Variants in PCDH11X observed in about 807,000 individuals in gnomAD.
PCDH11X encodes the protein protocadherin 11 X-linked.
Under a neutral mutation model 53.3 loss-of-function variants are expected in PCDH11X, and 18 were observed. That is an observed-to-expected ratio of 0.34 (90% confidence interval 0.23 to 0.50). The LOEUF is 0.50. Ranked by LOEUF, PCDH11X falls within the 20% of genes least tolerant of loss-of-function variation. The pLI, the probability that PCDH11X is intolerant of heterozygous loss-of-function variation, is 0.98. For synonymous variants in PCDH11X, 279 were observed against 393.3 expected (o/e 0.71, Z 3.44); for missense variants, 570 against 1,032.4 (o/e 0.55, Z 6.14).
intron 6 of PCDH11X, among the ~76,000 whole-genome samples, chrX:91,989,040 A>G (rs1179233645): frequency 1.8e-5 from 2 of 110,930 alleles, no homozygotes; most frequent in Non-Finnish European, 3.8e-5. Flanking sequence ...GGAATCTGCT[A>G]CTAGGGGTTA....
At chrX:92,425,360 G>A (rs1369237163) in intron 9 of PCDH11X, among the ~76,000 whole-genome samples, 1 of 108,308 alleles carries the variant, frequency 9.2e-6, no homozygotes, top group African/African-American at 3.3e-5. Context: ...TGAAGATACA[G>A]CCAACAAAGT....
intron 8 of PCDH11X, among the ~76,000 whole-genome samples, chrX:92,323,767 G>T (rs921131204): frequency 1.2e-4 from 13 of 110,340 alleles, no homozygotes; most frequent in Non-Finnish European, 2.1e-4. Context: ...TGATACATTT[G>T]CAATCATCAG....
At chrX:92,147,168 A>G (rs1199257267) in intron 6 of PCDH11X, among the ~76,000 whole-genome samples, 2 of 108,918 alleles carry the variant, frequency 1.8e-5, no homozygotes, top group Non-Finnish European at 3.8e-5. Context: ...TGAAATATGG[A>G]AAGTTTAATT....
intron 6 of PCDH11X, among the ~76,000 whole-genome samples, chrX:92,030,743 G>A (rs1310900234): frequency 9.3e-6 from 1 of 107,931 alleles, no homozygotes; most frequent in Non-Finnish European, 1.9e-5. Flanking sequence ...AACATGAAAA[G>A]TTTGTCTTTC....
chrX:92,175,094 G>C (rs758386462), intron 6 of PCDH11X, among the ~76,000 whole-genome samples: 1 of 110,846 alleles, frequency 9.0e-6, no homozygotes, highest in Non-Finnish European at 1.9e-5. Context: ...TCCTGCCTCA[G>C]CCTCCCAAGT....
chrX:92,131,265 A>G (rs2064967443), intron 6 of PCDH11X, among the ~76,000 whole-genome samples: 1 of 112,293 alleles, frequency 8.9e-6, no homozygotes, highest in African/African-American at 3.2e-5. Flanking sequence ...TTACCTTCCA[A>G]GTCCTAAAGT....
chrX:92,148,135 TCC>T (rs1471800263), intron 6 of PCDH11X, among the ~76,000 whole-genome samples: 11 of 8,801 alleles, frequency 1.2e-3, no homozygotes, highest in Non-Finnish European at 2.1e-3. Context: ...TCTTTCTTTT[TCC>T]TTCCTTCCTT....
At chrX:92,409,838 G>A (rs895238516) in intron 9 of PCDH11X, among the ~76,000 whole-genome samples, 4 of 111,452 alleles carry the variant, frequency 3.6e-5, no homozygotes, top group African/African-American at 1.3e-4. Flanking sequence ...TCAATTAGTG[G>A]ACTCTTAACA....
chrX:92,256,244 G>A (rs1603235945), intron 7 of PCDH11X, among the ~76,000 whole-genome samples: 1 of 110,782 alleles, frequency 9.0e-6, no homozygotes, highest in Middle Eastern at 4.8e-3. Context: ...ATTAGGAAAG[G>A]GAACTCCCTG....
At chrX:92,283,150 G>A (rs1002416578) in intron 8 of PCDH11X, among the ~76,000 whole-genome samples, 7 of 111,047 alleles carry the variant, frequency 6.3e-5, no homozygotes, top group Non-Finnish European at 1.1e-4. Context: ...TTCCAATTAG[G>A]ATTAATCATT....
chrX:92,144,816 T>A (rs777147756), intron 6 of PCDH11X, among the ~76,000 whole-genome samples: 1 of 111,043 alleles, frequency 9.0e-6, no homozygotes, highest in East Asian at 2.9e-4. Flanking sequence ...TAGAAATTTA[T>A]GCATTGTTAA....
At chrX:92,175,241 T>G (rs1249666494) in intron 6 of PCDH11X, among the ~76,000 whole-genome samples, 1 of 111,704 alleles carries the variant, frequency 9.0e-6, no homozygotes, top group Non-Finnish European at 1.9e-5. Flanking sequence ...CCTCCCAAAG[T>G]GTTGAGATTA....
At chrX:92,250,631 A>G (rs1048188773) in intron 7 of PCDH11X, among the ~76,000 whole-genome samples, 3 of 106,423 alleles carry the variant, frequency 2.8e-5, no homozygotes, top group Non-Finnish European at 5.8e-5. Context: ...GTATAAAAAT[A>G]TATATAAAAT....
At chrX:92,287,335 C>G (rs894792738) in intron 8 of PCDH11X, among the ~76,000 whole-genome samples, 1 of 111,209 alleles carries the variant, frequency 9.0e-6, no homozygotes, top group African/African-American at 3.3e-5. Context: ...TCTCCCTCCC[C>G]TTGTCCACCA....
intron 10 of PCDH11X, among the ~76,000 whole-genome samples, chrX:92,607,099 G>A (rs752987862): frequency 4.5e-5 from 5 of 110,580 alleles, no homozygotes; most frequent in Admixed American, 9.7e-5. Context: ...ACCCAATTTG[G>A]AAAACAATTT....
intron 9 of PCDH11X, among the ~76,000 whole-genome samples, chrX:92,415,868 C>G (rs914276363): frequency 1.2e-4 from 13 of 111,292 alleles, no homozygotes; most frequent in Non-Finnish European, 2.1e-4. Context: ...TATTGGCATT[C>G]TATAATTCTT....
rs755466099 is a variant in PCDH11X at position 92,463,264 on chromosome X, A to G, written c.3344-5035A>G. ...AAAGCAAGATTTTATTTCTTAAAAT[A>G]TGATTTTCTCTTATTCTGCCCTTGT... On this transcript the variant is annotated intron_variant, in intron 9 of 10. Transcript: ENST00000682573. Among the ~76,000 whole-genome samples, 10 of 111,801 alleles carry G rather than the reference A, an allele frequency of 8.9e-5. No individual in the cohort carries two copies. In the South Asian group the frequency reaches 3.3e-3, roughly 37 times the overall value.
At chrX:91,997,098 T>A (rs892167297) in intron 6 of PCDH11X, among the ~76,000 whole-genome samples, 2 of 110,455 alleles carry the variant, frequency 1.8e-5, no homozygotes, top group African/African-American at 6.6e-5. Flanking sequence ...TTTATTGAAT[T>A]CCTTTATTAT....
chrX:92,352,446 T>C (rs2070076245), intron 8 of PCDH11X, among the ~76,000 whole-genome samples: 1 of 111,992 alleles, frequency 8.9e-6, no homozygotes, highest in African/African-American at 3.2e-5. Flanking sequence ...GGTACCTCCT[T>C]GATTAGCTTA....
Sources: gnomAD v4.1 joint callset for allele counts (sites outside exome capture counted in the v4.1 genomes callset) on GRCh38, gnomAD v4.1.1 for gene constraint, MANE v1.5 for transcripts, NCBI Gene and HGNC (gene_info 2026-07-23, HGNC 2026-07-21) for gene names.